Variants in INTS1 observed in about 807,000 individuals in gnomAD.
INTS1 encodes integrator complex subunit 1.
A neutral mutation model predicts 241.6 loss-of-function variants in INTS1; 137 were observed. The ratio of observed to expected loss-of-function variants is 0.57; its 90% CI spans 0.49 to 0.65. INTS1 has a LOEUF of 0.65. Among genes scored for constraint, INTS1 ranks in the 30% least tolerant of loss-of-function variants. The pLI, the probability that INTS1 is intolerant of heterozygous loss-of-function variation, is 0.00. For missense variants in INTS1, 3,073 were observed against 3,032.2 expected (o/e 1.01, Z -0.32); for synonymous variants, 1,692 against 1,337.8 (o/e 1.26, Z -5.78).
chr7:1,487,009 G>C lies in INTS1; in HGVS notation c.2739C>G (p.Phe913Leu), dbSNP rs1384363065. ...CATCGTCCACAGCATCGTGCAGCAG[G>C]AACTCGCACAGACACTGCACGGGCA... ...DVLPVQCLCE[F>L]LLHDAVDDAA... The change falls in exon 21 of 48, where the codon TTC becomes TTG. Residue 913 changes from phenylalanine to leucine, a missense_variant. Physicochemically the swap from Phe to Leu is conservative, Grantham distance 22. Transcript: ENST00000404767. 2 of 1,605,522 alleles carry C rather than the reference G, an allele frequency of 1.2e-6. No individual in the cohort carries two copies. The highest frequency in any genetic ancestry group is 1.7e-6 in the Non-Finnish European group (2 of 1,178,300).
At position 1,474,420 on chromosome 7, in the gene INTS1, C is replaced by T. The variant is rs181737513; in HGVS notation, c.5637-60G>A. ...CGGCGGGCTCACCTGGCGCACGTCC[C>T]CAGGAAGGCCCCACTGCCTGCCCCG... On this transcript the variant is annotated intron_variant, in intron 40 of 47. Coordinates refer to ENST00000404767, the MANE Select transcript of INTS1 (RefSeq NM_001080453.3). 214 of 1,487,802 alleles carry T rather than the reference C, an allele frequency of 1.4e-4. No homozygotes were observed. The African/African-American group carries it at 2.9e-3, about 20-fold the overall frequency. The allele number at this position is 1,487,802 out of a possible 1,614,324, so 92.2% of individuals were successfully genotyped here. A position where few individuals can be genotyped will look rare whatever the true frequency, so the allele number is the denominator to read the frequency against.
chr7:1,485,436 G>A lies in INTS1; in HGVS notation c.3010C>T (p.Arg1004Trp), dbSNP rs200531046. Residue 1004 changes from arginine to tryptophan, a missense_variant, in exon 23 of 48, where the codon CGG (arginine) becomes TGG (tryptophan). Physicochemically the swap from Arg to Trp is moderately radical, Grantham distance 101. Coordinates refer to ENST00000404767, the MANE Select transcript of INTS1 (RefSeq NM_001080453.3). Reference protein sequence around the residue: ...LSLVLSEGSLRDGEEKEPPME... With the variant: ...LSLVLSEGSLWDGEEKEPPME... ...GGGGGCTCCTTCTCCTCCCCGTCCCGCAGGCTGCCCTCCGAAAGCACCAGC... is the reference window on the plus strand; with the variant it reads ...GGGGGCTCCTTCTCCTCCCCGTCCCACAGGCTGCCCTCCGAAAGCACCAGC... 4.0e-5 allele frequency: 64 copies of A among 1,612,512 alleles called. No individual in the cohort carries two copies. The highest frequency in any genetic ancestry group is 8.3e-5 in the Admixed American group (5 of 59,996).
rs1362336444 is a variant in INTS1, at chr7:1,476,009, C to T, written c.5441G>A (p.Arg1814Gln). The change falls in exon 39 of 48, where the codon CGG becomes CAG. Residue 1814 changes from arginine to glutamine, a missense_variant. Arg to Gln is a conservative substitution (Grantham distance 43). Coordinates refer to ENST00000404767, the MANE Select transcript of INTS1 (RefSeq NM_001080453.3). ...CAGTAGGACCTCAGGCACGGGCACC[C>T]GCAGCTCCGGCCGCTGTAGGTAGAG... ...LQLYLQRPELRVPVPEVLLHS... is the reference protein window; with the variant it reads ...LQLYLQRPELQVPVPEVLLHS... 5 of 1,545,848 alleles carry T rather than the reference C, an allele frequency of 3.2e-6. No individual in the cohort carries two copies. Among genetic ancestry groups the T allele is most frequent in the Non-Finnish European group, 4.4e-6 (5 of 1,146,730 alleles).
intron 18 of INTS1, among the ~76,000 whole-genome samples, chr7:1,488,833 G>C (rs1453683494): frequency 2.0e-5 from 3 of 152,188 alleles, no homozygotes; most frequent in African/African-American, 7.2e-5. Context: ...TGAGCCCTGG[G>C]CGTCTCCTAG....
In INTS1 at chr7:1,479,717, CGGA is replaced by C. The variant is rs762582697; in HGVS notation, c.4075-36_4075-34del. 2.9e-5 allele frequency: 42 copies of C among 1,444,942 alleles called. No individual in the cohort carries two copies. In the South Asian group the frequency reaches 2.9e-4, roughly 10 times the overall value. The allele number at this position is 1,444,942 out of a possible 1,614,324, so 89.5% of individuals were successfully genotyped here. A position where few individuals can be genotyped will look rare whatever the true frequency, so the allele number is the denominator to read the frequency against. ...GGGGAAGGCCAGTGTCAGGAGGAAG[CGGA>C]GGAGAAGGAGGAGGAGCGCAGCGGA... is the stretch of plus-strand genomic sequence containing the variant. On this transcript the variant is annotated intron_variant, in intron 30 of 47. Coordinates refer to ENST00000404767, the MANE Select transcript of INTS1 (RefSeq NM_001080453.3).
rs546441442 is a variant in INTS1, at chr7:1,476,537, C to G, written c.5151+33G>C. On this transcript the variant is annotated intron_variant, in intron 37 of 47. Coordinates refer to ENST00000404767, the MANE Select transcript of INTS1 (RefSeq NM_001080453.3). ...CCCCCTCTCCCGGATGGGCCACCCCCTCTCCCGGATGGGCCACCCTCCCAA... is the reference window on the plus strand; with the variant it reads ...CCCCCTCTCCCGGATGGGCCACCCCGTCTCCCGGATGGGCCACCCTCCCAA... The G allele has an allele frequency of 2.4e-5, 38 of 1,611,664 alleles. No homozygotes were observed. The African/African-American group carries it at 4.5e-4, about 19-fold the overall frequency.
In INTS1 at chr7:1,470,448, C is replaced by G. The variant is rs1781400238; in HGVS notation, c.*129G>C. 4.4e-6 allele frequency: 3 copies of G among 678,568 alleles called. No homozygotes were observed. Among genetic ancestry groups the G allele is most frequent in the Non-Finnish European group, 7.1e-6 (3 of 425,214 alleles). 42.0% of individuals were successfully genotyped at this position (678,568 alleles called of 1,614,324 possible). Reference sequence around the variant, plus strand: ...CTCGGAGTATTGCTCCTGGGCCTGCCTGGCCTCAGGGCTCGGCGCCCTCAC... The same window carrying G: ...CTCGGAGTATTGCTCCTGGGCCTGCGTGGCCTCAGGGCTCGGCGCCCTCAC... On this transcript the variant is annotated 3_prime_UTR_variant, in exon 48 of 48. Transcript: ENST00000404767.
chr7:1,503,867 A>AGACCCCCAAC (rs780476206), intron 2 of INTS1, 36 bp downstream of exon 2: 1 of 1,519,364 alleles, frequency 6.6e-7, no homozygotes, highest in African/African-American at 1.4e-5. Flanking sequence ...AGACCCCCAA[A>AGACCCCCAAC]GACCCCCGGG....
chr7:1,471,701 C>G (rs919109980), intron 44 of INTS1, 60 bp from the exon 45 acceptor site: 2 of 1,528,934 alleles, frequency 1.3e-6, no homozygotes, highest in African/African-American at 1.4e-5. Flanking sequence ...CTGCCCACCC[C>G]ACCCCAGCCA....
rs777982990 is a variant in INTS1 at position 1,476,667 on chromosome 7, G to A, written c.5064-10C>T. On this transcript the variant is annotated splice_polypyrimidine_tract_variant and intron_variant, in intron 36 of 47. Transcript: ENST00000404767. ...GGCAGAGGGGTCGAACCTGTGGGGA[G>A]GCAAAGGTTCCAGAGCACGAGGTGT... 2.5e-6 allele frequency: 4 copies of A among 1,612,568 alleles called. No individual in the cohort carries two copies. The highest frequency in any genetic ancestry group is 3.4e-6 in the Non-Finnish European group (4 of 1,179,754).
At chr7:1,498,952 A>AGGG in intron 8 of INTS1, 23 bp downstream of exon 8, 1 of 974,096 alleles carries the variant, frequency 1.0e-6, no homozygotes, top group Non-Finnish European at 1.4e-6. Flanking sequence ...TGCCCCGCCC[A>AGGG]CCCCCCCGGG....
rs751522798 is a variant in INTS1, at chr7:1,497,092, G to A, written c.1602+46C>T. ...CAGGACGAGGGGGATGGCGGCGCGT[G>A]GAACCCGCAGTGAGGGAAAGGCGCC... On this transcript the variant is annotated intron_variant, in intron 11 of 47. Coordinates refer to ENST00000404767, the MANE Select transcript of INTS1 (RefSeq NM_001080453.3). The surrounding 1 kb of genome is among the most constrained non-coding windows in gnomAD (Gnocchi z 5.3). The A allele has an allele frequency of 1.3e-5, 20 of 1,537,320 alleles. No individual in the cohort carries two copies. In the East Asian group the frequency reaches 4.2e-4, roughly 32 times the overall value.
Position 1,470,427 on chromosome 7 carries a change from G to C in INTS1, c.*150C>G, listed in dbSNP as rs1049728328. On this transcript the variant is annotated 3_prime_UTR_variant, in exon 48 of 48. Transcript: ENST00000404767. ...CGGCCCGGAGCCACCCCAGGGCTCG[G>C]AGTATTGCTCCTGGGCCTGCCTGGC... is the stretch of plus-strand genomic sequence containing the variant. The C allele has an allele frequency of 1.2e-5, 7 of 579,164 alleles. No individual in the cohort carries two copies. Among genetic ancestry groups the C allele is most frequent in the Non-Finnish European group, 1.7e-5 (6 of 343,102 alleles). 35.9% of individuals were successfully genotyped at this position (579,164 alleles called of 1,614,324 possible).
In INTS1 at chr7:1,497,297, G is replaced by C. The variant is rs758954867; in HGVS notation, c.1443C>G (p.Phe481Leu). The C allele has an allele frequency of 5.0e-6, 8 of 1,612,820 alleles. No individual in the cohort carries two copies. The highest frequency in any genetic ancestry group is 5.9e-6 in the Non-Finnish European group (7 of 1,179,488). The change falls in exon 11 of 48, where the codon TTC (phenylalanine) becomes TTG (leucine). Residue 481 changes from phenylalanine to leucine, a missense_variant. Physicochemically the swap from Phe to Leu is conservative, Grantham distance 22. Coordinates refer to ENST00000404767, the MANE Select transcript of INTS1 (RefSeq NM_001080453.3). The surrounding 1 kb of genome is among the most constrained non-coding windows in gnomAD (Gnocchi z 5.3). ...ELAPKFLAMV[F>L]QDLLTNKDDY... ...CGTCCTTGTTGGTCAGCAGGTCCTG[G>C]AACACCATGGCCAGGAACTGGGGCA... is the stretch of plus-strand genomic sequence containing the variant.
Position 1,503,976 on chromosome 7 carries a change from G to C in INTS1, c.-16C>G. The C allele has an allele frequency of 6.5e-7, 1 of 1,539,292 alleles. No homozygotes were observed. Among genetic ancestry groups the C allele is most frequent in the Non-Finnish European group, 8.8e-7 (1 of 1,142,448 alleles). ...CCCGGTTCATCCTGCCCCGTCCCTCGCGGCTCCCGGCGGCTGCGGCGTCAC... is the reference window on the plus strand; with the variant it reads ...CCCGGTTCATCCTGCCCCGTCCCTCCCGGCTCCCGGCGGCTGCGGCGTCAC... On this transcript the variant is annotated 5_prime_UTR_variant, in exon 2 of 48. Coordinates refer to ENST00000404767, the MANE Select transcript of INTS1 (RefSeq NM_001080453.3).
At chr7:1,494,919 G>A in intron 13 of INTS1, 26 bp from the exon 14 acceptor site, 1 of 1,550,850 alleles carries the variant, frequency 6.4e-7, no homozygotes. Flanking sequence ...AGAGCCCTCA[G>A]TCATGATGTG....
At position 1,503,017 on chromosome 7, in the gene INTS1, G is replaced by A. The variant is rs749308750; in HGVS notation, c.233C>T (p.Pro78Leu). 1.9e-6 allele frequency: 3 copies of A among 1,613,786 alleles called. No homozygotes were observed. Among genetic ancestry groups the A allele is most frequent in the Non-Finnish European group, 2.5e-6 (3 of 1,179,868 alleles). ...CAGAGGGGGTGTGGAGGAGAGTTTG[G>A]GGCGTTTGGTGAGACCGGTGAGGGC... is the stretch of plus-strand genomic sequence containing the variant. ...ASALTGLTKR[P>L]KLSSTPPLSA... The change falls in exon 3 of 48, where the codon CCC becomes CTC. Residue 78 changes from proline to leucine, a missense_variant. Pro to Leu is a moderately conservative substitution (Grantham distance 98, BLOSUM62 -3). Transcript: ENST00000404767.
chr7:1,485,504 G>C lies in INTS1; in HGVS notation c.2977-35C>G, dbSNP rs535076861. On this transcript the variant is annotated intron_variant, in intron 22 of 47. Coordinates refer to ENST00000404767, the MANE Select transcript of INTS1 (RefSeq NM_001080453.3). Reference sequence around the variant, plus strand: ...ACACTCATGAGCTGGGCCGGCTTTCGGCAGTGCAGGCAGGGTCTCACCCTG... The same window carrying C: ...ACACTCATGAGCTGGGCCGGCTTTCCGCAGTGCAGGCAGGGTCTCACCCTG... 3 of 1,596,832 alleles carry C rather than the reference G, an allele frequency of 1.9e-6. No individual in the cohort carries two copies. In the Admixed American group the frequency reaches 5.1e-5, roughly 27 times the overall value.
Position 1,499,378 on chromosome 7 carries a change from G to A in INTS1, c.845-18C>T, listed in dbSNP as rs369382196. On this transcript the variant is annotated intron_variant, in intron 6 of 47. Transcript: ENST00000404767. ...GCTGCTCCCTGCAAACCAAGGAGAGGGCTCCATGCAGCGCCTCCCACCCGC... is the reference window on the plus strand; with the variant it reads ...GCTGCTCCCTGCAAACCAAGGAGAGAGCTCCATGCAGCGCCTCCCACCCGC... The A allele has an allele frequency of 5.6e-5, 88 of 1,565,968 alleles. No individual in the cohort carries two copies. The African/African-American group carries it at 8.5e-4, about 15-fold the overall frequency.
Sources: allele counts gnomAD v4.1 joint callset (sites outside exome capture counted in the v4.1 genomes callset), GRCh38; gene constraint gnomAD v4.1.1; non-coding constraint Gnocchi (gnomAD v3.1); transcripts MANE v1.5; gene names NCBI Gene and HGNC (gene_info 2026-07-23, HGNC 2026-07-21).